Variants in CELF2 observed in about 807,000 individuals in gnomAD.
CELF2 encodes CUGBP Elav-like family member 2.
In CELF2, 8 loss-of-function variants were observed where a neutral mutation model predicts 62.6. That is an observed-to-expected ratio of 0.13 (90% CI 0.07 to 0.23). The LOEUF is 0.23. Among genes scored for constraint, CELF2 ranks in the 10% least tolerant of loss-of-function variants. The pLI, the probability that CELF2 is intolerant of heterozygous loss-of-function variation, is 1.00. For missense variants in CELF2, 333 were observed against 671.0 expected (o/e 0.50, Z 5.56); for synonymous variants, 258 against 250.0 (o/e 1.03, Z -0.30).
chr10:10,571,475 T>C, the CELF2 span, among the ~76,000 whole-genome samples: 1 of 152,178 alleles, frequency 6.6e-6, no homozygotes, highest in Admixed American at 6.5e-5. Flanking sequence ...GCTGCTGAAG[T>C]ATTGGCAAAT....
chr10:10,757,424 C>G, the CELF2 span, among the ~76,000 whole-genome samples: 1 of 152,172 alleles, frequency 6.6e-6, no homozygotes, highest in African/African-American at 2.4e-5. Flanking sequence ...TACCATTGCA[C>G]TGTCTCTGTC....
At chr10:11,251,423 T>C (rs1429701657) in intron 4 of CELF2, among the ~76,000 whole-genome samples, 1 of 152,048 alleles carries the variant, frequency 6.6e-6, no homozygotes, top group Non-Finnish European at 1.5e-5. Flanking sequence ...GAGAATCACA[T>C]TTGCTTTGGG....
the CELF2 span, among the ~76,000 whole-genome samples, chr10:10,634,959 TCA>T: frequency 6.6e-6 from 1 of 152,198 alleles, no homozygotes; most frequent in East Asian, 1.9e-4. Flanking sequence ...CTGTTTTGGC[TCA>T]GCCCTCCAGG....
chr10:10,621,326 A>ACATCAGAGC, the CELF2 span, among the ~76,000 whole-genome samples: 3 of 152,058 alleles, frequency 2.0e-5, no homozygotes, highest in East Asian at 5.8e-4. Flanking sequence ...TGCAGTGTAA[A>ACATCAGAGC]CATCAGAGCC....
chr10:10,500,494 GT>G, the CELF2 span, among the ~76,000 whole-genome samples: 2 of 152,112 alleles, frequency 1.3e-5, no homozygotes, highest in Non-Finnish European at 2.9e-5. Context: ...AGATCTGATG[GT>G]TTTATAAAGG....
chr10:11,251,264 A>C (rs2077041514), intron 4 of CELF2, among the ~76,000 whole-genome samples: 1 of 143,568 alleles, frequency 7.0e-6, no homozygotes. Context: ...ACTGAAACAC[A>C]AAGGGATTTT....
chr10:10,822,409 T>G (rs180853035), intron 1 of CELF2, among the ~76,000 whole-genome samples: 1 of 152,340 alleles, frequency 6.6e-6, no homozygotes. Flanking sequence ...ACATAAACAG[T>G]GCTTAGAAGA....
Position 11,165,424 on chromosome 10 carries a change from T to C in CELF2, c.75-62T>C. On this transcript the variant is annotated intron_variant, in intron 1 of 12. Transcript: ENST00000633077. This position sits in a 1 kb window ranked among gnomAD's most constrained non-coding sequence, Gnocchi z 7.4. ...CCTCCCCGCTCCCCCACCCCCACTATTTTTTCTTCCTGTCCCTCATCGTGC... is the reference window on the plus strand; with the variant it reads ...CCTCCCCGCTCCCCCACCCCCACTACTTTTTCTTCCTGTCCCTCATCGTGC... 1 of 1,490,610 alleles carries C rather than the reference T, an allele frequency of 6.7e-7. No individual in the cohort carries two copies. The highest frequency in any genetic ancestry group is 1.9e-5 in the Admixed American group (1 of 52,222). 92.3% of individuals were successfully genotyped at this position (1,490,610 alleles called of 1,614,324 possible). A position where few individuals can be genotyped will look rare whatever the true frequency, so the allele number is the denominator to read the frequency against.
intron 2 of CELF2, among the ~76,000 whole-genome samples, chr10:11,175,064 C>T (rs1596633937): frequency 1.1e-5 from 1 of 94,654 alleles, no homozygotes; most frequent in Non-Finnish European, 2.4e-5. Context: ...TAAAGTCTGC[C>T]CCCCCGCCCC....
intron 1 of CELF2, among the ~76,000 whole-genome samples, chr10:10,910,153 G>T (rs1190018087): frequency 6.6e-6 from 1 of 152,146 alleles, no homozygotes; most frequent in Non-Finnish European, 1.5e-5. Context: ...GGGCATTATT[G>T]CAAAATAGGC....
At chr10:11,048,110 G>A (rs1037997166) in intron 1 of CELF2, among the ~76,000 whole-genome samples, 17 of 152,174 alleles carry the variant, frequency 1.1e-4, no homozygotes, top group African/African-American at 4.1e-4. Context: ...CCCCAAGGCT[G>A]TATTCCAGTT....
At chr10:11,190,642 G>T (rs1272767350) in intron 2 of CELF2, among the ~76,000 whole-genome samples, 1 of 151,670 alleles carries the variant, frequency 6.6e-6, no homozygotes, top group Non-Finnish European at 1.5e-5. Context: ...CACAAAGTAG[G>T]CTGTACCCTC....
At chr10:10,801,284 C>A (rs533599938) in intron 1 of CELF2, among the ~76,000 whole-genome samples, 1 of 152,230 alleles carries the variant, frequency 6.6e-6, no homozygotes, top group African/African-American at 2.4e-5. Context: ...GGCTTTTTAA[C>A]TGTGTGTAAT....
intron 2 of CELF2, among the ~76,000 whole-genome samples, chr10:10,980,351 C>A (rs1029869495): frequency 6.6e-6 from 1 of 152,158 alleles, no homozygotes; most frequent in South Asian, 2.1e-4. Context: ...CTTCCCCCCC[C>A]AAGATGGTAC....
At chr10:10,908,644 A>G (rs192290027) in intron 1 of CELF2, among the ~76,000 whole-genome samples, 271 of 152,308 alleles carry the variant, frequency 1.8e-3, no homozygotes, top group African/African-American at 6.4e-3. Flanking sequence ...TAAAAAATAA[A>G]AACCAACATT....
At position 11,165,494 on chromosome 10, in the gene CELF2, C is replaced by G; in HGVS notation, c.83C>G (p.Thr28Arg). ...RLLVPDRING[T>R]ANKMNGALDH... The stretch of plus-strand genomic sequence containing the variant: ...GGTTCCGTTTTTGACAGTAACGGCA[C>G]AGCCAACAAGATGAACGGAGCTTTG... Residue 28 changes from threonine (T) to arginine (R), a missense_variant, in exon 2 of 13, where the codon ACA (threonine) becomes AGA (arginine). Coordinates refer to ENST00000633077, the MANE Select transcript of CELF2 (RefSeq NM_001326342.2). The surrounding 1 kb of genome is among the most constrained non-coding windows in gnomAD (Gnocchi z 7.4). 6.2e-7 allele frequency: 1 copy of G among 1,613,548 alleles called. No individual in the cohort carries two copies. Among genetic ancestry groups the G allele is most frequent in the Non-Finnish European group, 8.5e-7 (1 of 1,179,752 alleles).
chr10:10,989,001 G>A (rs966398720), intron 2 of CELF2, among the ~76,000 whole-genome samples: 32 of 152,084 alleles, frequency 2.1e-4, no homozygotes, highest in Non-Finnish European at 2.1e-4. Flanking sequence ...TGAATTTAAG[G>A]ACAGTGTACT....
the CELF2 span, among the ~76,000 whole-genome samples, chr10:10,585,686 A>C: frequency 6.6e-6 from 1 of 152,210 alleles, no homozygotes; most frequent in Non-Finnish European, 1.5e-5. Flanking sequence ...TAAATGAGTC[A>C]ATAAAGAGAA....
intron 1 of CELF2, among the ~76,000 whole-genome samples, chr10:11,006,938 ATC>A (rs756500386): frequency 6.6e-6 from 1 of 152,232 alleles, no homozygotes; most frequent in Non-Finnish European, 1.5e-5. Flanking sequence ...AAATGGAAAA[ATC>A]TGTTTCAAAC....
Sources: gnomAD v4.1 joint callset for allele counts (sites outside exome capture counted in the v4.1 genomes callset) on GRCh38, gnomAD v4.1.1 for gene constraint, Gnocchi (gnomAD v3.1) non-coding constraint, MANE v1.5 for transcripts, NCBI Gene and HGNC (gene_info 2026-07-23, HGNC 2026-07-21) for gene names.